The following KLHL29 variants were observed in gnomAD, a reference collection of about 807,000 sequenced individuals.
KLHL29 encodes kelch-like protein 29.
Under a neutral mutation model 80.4 loss-of-function variants are expected in KLHL29, and 21 were observed. That is an observed-to-expected ratio of 0.26 (90% CI 0.19 to 0.38). The LOEUF is 0.38. Ranked by LOEUF, KLHL29 falls within the 10% of genes least tolerant of loss-of-function variation. The pLI, the probability that KLHL29 is intolerant of heterozygous loss-of-function variation, is 1.00. For synonymous variants in KLHL29, 511 were observed against 526.8 expected (o/e 0.97, Z 0.41); for missense variants, 867 against 1,223.9 (o/e 0.71, Z 4.35).
At chr2:23,693,662 G>A (rs756487197) in intron 8 of KLHL29, 134 bp downstream of exon 8, 27 of 945,108 alleles carry the variant, frequency 2.9e-5, no homozygotes, top group South Asian at 2.4e-4. Context: ...GGTGAAGGGC[G>A]GGCAGAGAGG....
intron 3 of KLHL29, among the ~76,000 whole-genome samples, chr2:23,612,959 A>G (rs1266425264): frequency 6.6e-6 from 1 of 152,126 alleles, no homozygotes. Flanking sequence ...AAATAAATGC[A>G]AAAAAGGCTT....
intron 3 of KLHL29, among the ~76,000 whole-genome samples, chr2:23,632,724 G>A (rs1234868156): frequency 6.6e-6 from 1 of 152,218 alleles, no homozygotes; most frequent in Non-Finnish European, 1.5e-5. Context: ...GAAGAAAAAG[G>A]AAATGACAGC....
At position 23,486,015 on chromosome 2, in the gene KLHL29, C is replaced by G. The variant is rs550170954; in HGVS notation, c.-46+10348C>G. ...CATCTTCAAGGAAGGTGTCGGCATG[C>G]CCACCTCCCACCCTCACCTGTCAGT... On this transcript the variant is annotated intron_variant, in intron 2 of 13. Transcript: ENST00000486442. Among the ~76,000 whole-genome samples, 112 of 152,284 alleles carry G rather than the reference C, an allele frequency of 7.4e-4. 1 individual carries two copies. The highest frequency in any genetic ancestry group is 2.6e-3 in the African/African-American group (109 of 41,558).
intron 3 of KLHL29, among the ~76,000 whole-genome samples, chr2:23,599,740 C>A (rs917268102): frequency 1.3e-5 from 2 of 152,112 alleles, no homozygotes; most frequent in African/African-American, 4.8e-5. Context: ...TTTTCGGTTC[C>A]GTGGATAGGG....
At chr2:23,586,654 C>G (rs1472265345) in intron 3 of KLHL29, among the ~76,000 whole-genome samples, 2 of 152,142 alleles carry the variant, frequency 1.3e-5, no homozygotes, top group African/African-American at 4.8e-5. Flanking sequence ...AGCCACCGCG[C>G]CCGGCCAGCG....
chr2:23,673,453 T>A (rs2149178193), intron 5 of KLHL29, among the ~76,000 whole-genome samples: 1 of 148,658 alleles, frequency 6.7e-6, no homozygotes, highest in East Asian at 2.0e-4. Flanking sequence ...GCTGTCTCTC[T>A]CACACATACA....
intron 3 of KLHL29, among the ~76,000 whole-genome samples, chr2:23,597,408 T>TATA (rs1491544130): frequency 5.8e-5 from 1 of 17,308 alleles, no homozygotes; most frequent in African/African-American, 2.3e-4. Context: ...TATATATATA[T>TATA]TTTTTTTTTT....
chr2:23,468,195 G>C (rs1460832685), intron 1 of KLHL29, among the ~76,000 whole-genome samples: 1 of 152,104 alleles, frequency 6.6e-6, no homozygotes, highest in Non-Finnish European at 1.5e-5. Flanking sequence ...GTGGGCAGAC[G>C]TGGTCATTGC....
At chr2:23,464,949 T>A (rs1253612295) in intron 1 of KLHL29, among the ~76,000 whole-genome samples, 1 of 152,216 alleles carries the variant, frequency 6.6e-6, no homozygotes. Context: ...TGCTCTTAGA[T>A]AATTTATGTA....
rs556757924 is a variant in KLHL29, at chr2:23,680,235, T to C, written c.941-4164T>C. On this transcript the variant is annotated intron_variant, in intron 5 of 13. Transcript: ENST00000486442. The surrounding 1 kb of genome is among the most constrained non-coding windows in gnomAD (Gnocchi z 4.1). ...CTGAGAATTCTAGGAGGTAAAAAGA[T>C]GGGACTTGGTGTGATGAGGGAGGGG... 5.5e-4 allele frequency among the ~76,000 whole-genome samples: 83 copies of C among 152,054 alleles called. 1 individual carries two copies. The South Asian group carries it at 0.012, about 22-fold the overall frequency.
chr2:23,395,618 G>A (rs1048479666), intron 1 of KLHL29, among the ~76,000 whole-genome samples: 6 of 152,272 alleles, frequency 3.9e-5, no homozygotes, highest in Admixed American at 2.0e-4. Context: ...GGTGGCATGC[G>A]CCTGTAATCC....
chr2:23,651,392 C>T (rs1483278925), intron 5 of KLHL29, among the ~76,000 whole-genome samples: 1 of 152,080 alleles, frequency 6.6e-6, no homozygotes. Flanking sequence ...TTGCCCTCCC[C>T]TCTTGCAAAT....
chr2:23,703,468 T>A, intron 12 of KLHL29, 89 bp downstream of exon 12: 1 of 1,221,588 alleles, frequency 8.2e-7, no homozygotes, highest in Non-Finnish European at 1.1e-6. Context: ...GAAGTCAGGC[T>A]AAGCCCAACA....
At chr2:23,660,857 C>T (rs536451815) in intron 5 of KLHL29, among the ~76,000 whole-genome samples, 1 of 152,090 alleles carries the variant, frequency 6.6e-6, no homozygotes, top group South Asian at 2.1e-4. Context: ...GAAACCCCAT[C>T]TCTACTAAAA....
rs142798794 is a variant in KLHL29, at chr2:23,638,606, G to T, written c.286-533G>T. 1.2e-4 allele frequency among the ~76,000 whole-genome samples: 19 copies of T among 152,316 alleles called. No individual in the cohort carries two copies. The East Asian group carries it at 3.7e-3, about 29-fold the overall frequency. ...GGACAATTGGGCCTCAGAGGCTGGTGTGGGGGCAGGATAGGAAATGTATAA... is the reference window on the plus strand; with the variant it reads ...GGACAATTGGGCCTCAGAGGCTGGTTTGGGGGCAGGATAGGAAATGTATAA... On this transcript the variant is annotated intron_variant, in intron 3 of 13. Transcript: ENST00000486442.
In KLHL29 at chr2:23,706,880, G is replaced by A. The variant is rs946651124; in HGVS notation, c.*216G>A. ...CCGCGCTTGGAGCCGCAGGAACCACGATCCCGCCATGGGGCTGGCTGCCTC... is the reference window on the plus strand; with the variant it reads ...CCGCGCTTGGAGCCGCAGGAACCACAATCCCGCCATGGGGCTGGCTGCCTC... On this transcript the variant is annotated 3_prime_UTR_variant, in exon 14 of 14. Coordinates refer to ENST00000486442, the MANE Select transcript of KLHL29 (RefSeq NM_052920.2). 33 of 476,238 alleles carry A rather than the reference G, an allele frequency of 6.9e-5. No individual in the cohort carries two copies. Among genetic ancestry groups the A allele is most frequent in the African/African-American group, 6.2e-4 (31 of 50,126 alleles). The allele number at this position is 476,238 out of a possible 1,614,324, so 29.5% of individuals were successfully genotyped here. A position where few individuals can be genotyped will look rare whatever the true frequency, so the allele number is the denominator to read the frequency against.
rs905250099 is a variant in KLHL29, at chr2:23,695,959, G to C, written c.1750G>C (p.Glu584Gln). Reference sequence around the variant, plus strand: ...CATCCATGTCCCTGCAGGTGTGGCTGAGGTCATCGTCTTGGTTGGGGGCCG... The same window carrying C: ...CATCCATGTCCCTGCAGGTGTGGCTCAGGTCATCGTCTTGGTTGGGGGCCG... ...TRPRLSAGVA[E>Q]VIVLVGGRQM... The change falls in exon 10 of 14, where the codon GAG becomes CAG. Residue 584 changes from glutamate (E) to glutamine (Q), a missense_variant. Physicochemically the swap from Glu to Gln is conservative, Grantham distance 29. Coordinates refer to ENST00000486442, the MANE Select transcript of KLHL29 (RefSeq NM_052920.2). This position sits in a 1 kb window ranked among gnomAD's most constrained non-coding sequence, Gnocchi z 7.6. 5 of 1,551,316 alleles carry C rather than the reference G, an allele frequency of 3.2e-6. No individual in the cohort carries two copies. The African/African-American group carries it at 6.8e-5, about 21-fold the overall frequency.
intron 3 of KLHL29, among the ~76,000 whole-genome samples, chr2:23,613,790 A>AAAAAAAAAAC (rs1668933636): frequency 6.8e-6 from 1 of 146,586 alleles, no homozygotes; most frequent in Non-Finnish European, 1.5e-5. Flanking sequence ...AAAAAAAAAA[A>AAAAAAAAAAC]CCCACCACTC....
intron 6 of KLHL29, among the ~76,000 whole-genome samples, chr2:23,687,722 G>C (rs1395112291): frequency 6.6e-6 from 1 of 152,188 alleles, no homozygotes; most frequent in African/African-American, 2.4e-5. Flanking sequence ...CATTGTCCGG[G>C]CAGACAAGTG....
Sources: allele counts gnomAD v4.1 joint callset (sites outside exome capture counted in the v4.1 genomes callset), GRCh38; gene constraint gnomAD v4.1.1; non-coding constraint Gnocchi (gnomAD v3.1); transcripts MANE v1.5; gene names NCBI Gene and HGNC (gene_info 2026-07-23, HGNC 2026-07-21).